The following SNAP47 variants were observed in gnomAD, a reference collection of about 807,000 sequenced individuals.
The protein encoded by SNAP47 is synaptosome associated protein 47, also known as synaptosomal-associated protein 47.
Under a neutral mutation model 31.4 loss-of-function variants are expected in SNAP47, and 20 were observed. That is an observed-to-expected ratio of 0.64 (90% CI 0.45 to 0.93). The LOEUF is 0.93. SNAP47 is among the 40% of genes least tolerant of loss of function. SNAP47 has a pLI of 0.00. For missense variants in SNAP47, 492 were observed against 528.5 expected (o/e 0.93, Z 0.68); for synonymous variants, 194 against 213.4 (o/e 0.91, Z 0.79).
At chr1:227,778,865 C>T (rs2103006244) in intron 4 of SNAP47, among the ~76,000 whole-genome samples, 1 of 152,350 alleles carries the variant, frequency 6.6e-6, no homozygotes, top group Non-Finnish European at 1.5e-5. Flanking sequence ...GAGTTTCTGC[C>T]AGCTCCCGAG....
chr1:227,729,484 G>C (rs1214437499), intron 1 of SNAP47, among the ~76,000 whole-genome samples: 1 of 152,176 alleles, frequency 6.6e-6, no homozygotes, highest in African/African-American at 2.4e-5. Context: ...GTGGATGGGG[G>C]ACAGGGCTGA....
upstream of SNAP47, chr1:227,732,216 A>C: frequency 1.4e-6 from 1 of 694,670 alleles, no homozygotes; most frequent in Non-Finnish European, 2.4e-6. Flanking sequence ...TGGGTCCCTG[A>C]CCTCATTGGG....
upstream of SNAP47, chr1:227,735,294 G>A (rs757297162): frequency 1.2e-6 from 2 of 1,605,518 alleles, no homozygotes; most frequent in Non-Finnish European, 1.7e-6. Context: ...ACGGGTCGAA[G>A]GACCCTCCTC....
upstream of SNAP47, chr1:227,735,315 C>T: frequency 6.2e-7 from 1 of 1,602,782 alleles, no homozygotes; most frequent in Non-Finnish European, 8.5e-7. Context: ...CTCACTTCCG[C>T]CGGAGCGGAA....
chr1:227,765,516 C>G (rs1023890492), intron 3 of SNAP47, among the ~76,000 whole-genome samples: 1 of 152,218 alleles, frequency 6.6e-6, no homozygotes, highest in South Asian at 2.1e-4. Context: ...ATGGGTAATG[C>G]ACAAATTCAG....
Position 227,748,216 on chromosome 1 carries a change from C to A in SNAP47, c.480C>A (p.Asp160Glu). ...VMRGLDKMES[D>E]LEVADRLLTE... is the part of the protein sequence containing the mutation. Reference sequence around the variant, plus strand: ...GAGGCCTGGACAAGATGGAGTCAGACCTGGAGGTGGCGGACAGGTGGGCTT... The same window carrying A: ...GAGGCCTGGACAAGATGGAGTCAGAACTGGAGGTGGCGGACAGGTGGGCTT... The change falls in exon 2 of 5, where the codon GAC (aspartate) becomes GAA (glutamate). Residue 160 changes from aspartate (D) to glutamate (E), a missense_variant. Transcript: ENST00000617596. 6.3e-7 allele frequency: 1 copy of A among 1,588,288 alleles called. No homozygotes were observed. Among genetic ancestry groups the A allele is most frequent in the Non-Finnish European group, 8.6e-7 (1 of 1,166,990 alleles).
chr1:227,761,234 T>TC (rs1663038883), intron 3 of SNAP47, among the ~76,000 whole-genome samples: 1 of 152,228 alleles, frequency 6.6e-6, no homozygotes, highest in African/African-American at 2.4e-5. Flanking sequence ...TATAACCTGT[T>TC]TCTCTAACAT....
At chr1:227,767,252 G>A (rs985715484) in intron 4 of SNAP47, among the ~76,000 whole-genome samples, 169 bp downstream of exon 4, 3 of 152,210 alleles carry the variant, frequency 2.0e-5, no homozygotes, top group African/African-American at 7.2e-5. Flanking sequence ...AGGGAGGAAG[G>A]GCAGTGTCCG....
intron 2 of SNAP47, among the ~76,000 whole-genome samples, chr1:227,757,542 C>G (rs377203088): frequency 6.6e-6 from 1 of 152,190 alleles, no homozygotes; most frequent in Admixed American, 6.5e-5. Flanking sequence ...TAAGAATGGC[C>G]TATAAGAAAT....
chr1:227,773,128 T>A (rs1459111545), intron 4 of SNAP47, among the ~76,000 whole-genome samples: 1 of 84,030 alleles, frequency 1.2e-5, no homozygotes, highest in Admixed American at 1.3e-4. Context: ...GTCCAGCTAA[T>A]TTTTTTTTTT....
chr1:227,728,709 G>C (rs1469693406), exon 1 of SNAP47: 2 of 152,040 alleles, frequency 1.3e-5, no homozygotes, highest in South Asian at 2.1e-4. Flanking sequence ...AGCAAGGGCA[G>C]TGAGGACCTG....
At chr1:227,729,893 G>A (rs1056673378) in intron 1 of SNAP47, among the ~76,000 whole-genome samples, 3 of 152,328 alleles carry the variant, frequency 2.0e-5, no homozygotes, top group South Asian at 2.1e-4. Context: ...AGACAGCAGG[G>A]CCTGACTTTT....
At chr1:227,733,810 G>A (rs1255790332), upstream of SNAP47, 20 of 1,587,094 alleles carry the variant, frequency 1.3e-5, no homozygotes, top group Non-Finnish European at 1.7e-5. Context: ...CCACTGTGAG[G>A]CCTGTGCCAA....
chr1:227,737,383 T>C (rs535609188), intron 1 of SNAP47, among the ~76,000 whole-genome samples: 1 of 152,188 alleles, frequency 6.6e-6, no homozygotes. Flanking sequence ...AGAGGCAGCT[T>C]GTGCTGGTTT....
intron 1 of SNAP47, among the ~76,000 whole-genome samples, chr1:227,740,939 G>A (rs1325367503): frequency 6.7e-6 from 1 of 148,196 alleles, no homozygotes; most frequent in South Asian, 2.1e-4. Flanking sequence ...AGGGGTGGGG[G>A]CAGATGCCCA....
At chr1:227,765,674 C>T (rs1273888243) in intron 3 of SNAP47, among the ~76,000 whole-genome samples, 1 of 152,196 alleles carries the variant, frequency 6.6e-6, no homozygotes, top group Admixed American at 6.5e-5. Flanking sequence ...GGCAATCTGT[C>T]CCGCTGGTGC....
intron 4 of SNAP47, among the ~76,000 whole-genome samples, chr1:227,779,917 C>T (rs751300051): frequency 6.6e-6 from 1 of 152,164 alleles, no homozygotes; most frequent in Non-Finnish European, 1.5e-5. Context: ...TCTGCTGGGC[C>T]GGGGACCATC....
At chr1:227,737,103 G>A (rs899488890) in intron 1 of SNAP47, among the ~76,000 whole-genome samples, 1 of 152,330 alleles carries the variant, frequency 6.6e-6, no homozygotes, top group African/African-American at 2.4e-5. Flanking sequence ...AGGGATCAGG[G>A]TACTCTGTGA....
chr1:227,775,818 G>C, intron 4 of SNAP47: 1 of 1,304,196 alleles, frequency 7.7e-7, no homozygotes, highest in African/African-American at 1.5e-5. Flanking sequence ...TGTCAACCCA[G>C]ACAGTGTTGG....
Sources: allele counts gnomAD v4.1 joint callset (sites outside exome capture counted in the v4.1 genomes callset), GRCh38; gene constraint gnomAD v4.1.1; transcripts MANE v1.5; gene names NCBI Gene and HGNC (gene_info 2026-07-23, HGNC 2026-07-21).